Variants in UBTD1 observed in about 807,000 individuals in gnomAD.
UBTD1 encodes the protein ubiquitin domain-containing protein 1.
Under a neutral mutation model 21.7 loss-of-function variants are expected in UBTD1, and 19 were observed. The observed-to-expected ratio is 0.87, with a 90% CI of 0.61 to 1.28. The LOEUF is 1.28. UBTD1 is among the 50% of genes most tolerant of loss of function. The probability of loss-of-function intolerance (pLI) is 0.00; values close to 1 mark genes in which losing one functional copy is unlikely to be tolerated. For synonymous variants in UBTD1, 116 were observed against 135.1 expected (o/e 0.86, Z 0.98); for missense variants, 282 against 315.1 (o/e 0.89, Z 0.80).
intron 1 of UBTD1, among the ~76,000 whole-genome samples, chr10:97,510,802 C>T (rs2040420514): frequency 1.3e-5 from 2 of 152,176 alleles, no homozygotes; most frequent in South Asian, 4.1e-4. Flanking sequence ...TAGAGATAGC[C>T]TTGAATCCAG....
At chr10:97,560,302 T>C (rs929035860) in intron 1 of UBTD1, among the ~76,000 whole-genome samples, 1 of 152,232 alleles carries the variant, frequency 6.6e-6, no homozygotes, top group Admixed American at 6.5e-5. Flanking sequence ...AGATTAGAAG[T>C]TACCATAATA....
chr10:97,532,790 C>CA (rs765080292), intron 1 of UBTD1, among the ~76,000 whole-genome samples: 2,867 of 108,206 alleles, frequency 0.026, 91 homozygotes, highest in African/African-American at 0.076. Context: ...AACTGCATCT[C>CA]AAAAAAAAAA....
chr10:97,535,397 C>T (rs568139389), intron 1 of UBTD1, among the ~76,000 whole-genome samples: 36 of 152,260 alleles, frequency 2.4e-4, no homozygotes, highest in Non-Finnish European at 4.6e-4. Flanking sequence ...GGGCAGATCA[C>T]GAGATCAGGA....
intron 1 of UBTD1, among the ~76,000 whole-genome samples, chr10:97,533,736 CA>C (rs1454176117): frequency 6.6e-6 from 1 of 151,970 alleles, no homozygotes; most frequent in African/African-American, 2.4e-5. Context: ...CCAGCCTGGC[CA>C]ACATGGTGAA....
intron 1 of UBTD1, among the ~76,000 whole-genome samples, chr10:97,531,141 C>T (rs952599918): frequency 5.5e-4 from 84 of 151,966 alleles, no homozygotes; most frequent in African/African-American, 1.9e-3. Flanking sequence ...CCCTCCTTGG[C>T]CTCCCAAAGT....
intron 1 of UBTD1, among the ~76,000 whole-genome samples, chr10:97,507,727 G>A (rs867967456): frequency 6.6e-4 from 83 of 125,318 alleles, no homozygotes; most frequent in African/African-American, 2.4e-3. Flanking sequence ...AGTGAGCCAA[G>A]ATTGCACCAC....
chr10:97,503,070 C>G (rs567491191), intron 1 of UBTD1, among the ~76,000 whole-genome samples: 4 of 152,066 alleles, frequency 2.6e-5, no homozygotes, highest in Admixed American at 1.3e-4. Flanking sequence ...GTGTGCACCA[C>G]CACGCCCAGC....
intron 2 of UBTD1, among the ~76,000 whole-genome samples, chr10:97,569,823 T>C (rs1338731777): frequency 6.6e-6 from 1 of 151,558 alleles, no homozygotes. Context: ...AGCACACCTG[T>C]AGTCTCAGCT....
intron 1 of UBTD1, among the ~76,000 whole-genome samples, chr10:97,529,362 A>G (rs1207213767): frequency 1.3e-5 from 2 of 152,030 alleles, no homozygotes; most frequent in Non-Finnish European, 2.9e-5. Context: ...CAGACGGGGT[A>G]GCGGCTGGGC....
At chr10:97,534,895 C>G (rs2040552718) in intron 1 of UBTD1, among the ~76,000 whole-genome samples, 1 of 152,182 alleles carries the variant, frequency 6.6e-6, no homozygotes, top group Admixed American at 6.5e-5. Context: ...TCCTCCTTGC[C>G]CGCCTCCCCA....
intron 1 of UBTD1, among the ~76,000 whole-genome samples, chr10:97,546,386 C>A (rs1268746730): frequency 6.6e-6 from 1 of 151,792 alleles, no homozygotes; most frequent in Non-Finnish European, 1.5e-5. Flanking sequence ...CTCAGGAGTT[C>A]GAGACCAGCC....
chr10:97,560,968 C>T (rs2040689705), intron 1 of UBTD1, among the ~76,000 whole-genome samples: 1 of 152,028 alleles, frequency 6.6e-6, no homozygotes, highest in Non-Finnish European at 1.5e-5. Flanking sequence ...CAAGTCAAAA[C>T]CAGAACAAAA....
intron 1 of UBTD1, among the ~76,000 whole-genome samples, chr10:97,551,213 T>C (rs1031322676): frequency 6.6e-6 from 1 of 152,150 alleles, no homozygotes; most frequent in African/African-American, 2.4e-5. Context: ...CCTTTGCCTC[T>C]ATACACAGAC....
chr10:97,549,595 G>A (rs1383510975), intron 1 of UBTD1, among the ~76,000 whole-genome samples: 1 of 152,214 alleles, frequency 6.6e-6, no homozygotes, highest in African/African-American at 2.4e-5. Flanking sequence ...TCTCAGGGGT[G>A]CCACCCTGCC....
intron 1 of UBTD1, among the ~76,000 whole-genome samples, chr10:97,530,724 T>A (rs1019870108): frequency 5.3e-5 from 8 of 152,036 alleles, no homozygotes; most frequent in Non-Finnish European, 1.2e-4. Flanking sequence ...AGCTTGTACA[T>A]GCCATATGAT....
intron 1 of UBTD1, among the ~76,000 whole-genome samples, chr10:97,513,610 G>A (rs537595307): frequency 6.6e-6 from 1 of 152,330 alleles, no homozygotes; most frequent in Admixed American, 6.5e-5. Flanking sequence ...TAAAAGTTAT[G>A]TGTGCTCATG....
At chr10:97,536,244 C>T (rs952576418) in intron 1 of UBTD1, among the ~76,000 whole-genome samples, 4 of 152,008 alleles carry the variant, frequency 2.6e-5, no homozygotes, top group Non-Finnish European at 4.4e-5. Context: ...CATCCGCCTC[C>T]GCCTCCCAAA....
chr10:97,561,170 G>A (rs1313765263), intron 1 of UBTD1, among the ~76,000 whole-genome samples: 5 of 152,196 alleles, frequency 3.3e-5, no homozygotes, highest in South Asian at 2.1e-4. Context: ...GCGTTCCACC[G>A]GGTCAATTTC....
intron 1 of UBTD1, among the ~76,000 whole-genome samples, chr10:97,505,451 T>C (rs916062671): frequency 1.3e-5 from 2 of 152,222 alleles, no homozygotes; most frequent in African/African-American, 4.8e-5. Flanking sequence ...CTTGGGCAGG[T>C]CATTTGTTTC....
Sources: gnomAD v4.1 joint callset for allele counts (sites outside exome capture counted in the v4.1 genomes callset) on GRCh38, gnomAD v4.1.1 for gene constraint, MANE v1.5 for transcripts, NCBI Gene and HGNC (gene_info 2026-07-23, HGNC 2026-07-21) for gene names.